Variants in TMTC2 observed in about 807,000 individuals in gnomAD.
TMTC2 encodes the protein protein O-mannosyl-transferase TMTC2.
Under a neutral mutation model 82.4 loss-of-function variants are expected in TMTC2, and 43 were observed. The ratio of observed to expected loss-of-function variants is 0.52; its 90% confidence interval spans 0.41 to 0.67. The LOEUF (loss-of-function observed/expected upper bound fraction) is 0.67, where lower values mean the gene tolerates loss of function less well. Ranked by LOEUF, TMTC2 falls within the 30% of genes least tolerant of loss-of-function variation. The pLI is 0.00. For synonymous variants in TMTC2, 408 were observed against 381.9 expected, an observed-to-expected ratio of 1.07 and a Z score of -0.80; for missense variants, 919 against 1,012.4, an observed-to-expected ratio of 0.91 and a Z score of 1.25.
At chr12:83,044,582 AG>A (rs1882021673) in intron 9 of TMTC2, among the ~76,000 whole-genome samples, 1 of 152,236 alleles carries the variant, frequency 6.6e-6, no homozygotes, top group Non-Finnish European at 1.5e-5. Context: ...GCTGTCATCC[AG>A]GGTGATGTGG....
chr12:83,003,764 C>T (rs1469039048), intron 8 of TMTC2, among the ~76,000 whole-genome samples: 1 of 151,980 alleles, frequency 6.6e-6, no homozygotes, highest in African/African-American at 2.4e-5. Flanking sequence ...TGGCTTGTAA[C>T]GTTACTGCTG....
At chr12:83,080,774 A>G (rs1047252179) in intron 11 of TMTC2, among the ~76,000 whole-genome samples, 4 of 152,202 alleles carry the variant, frequency 2.6e-5, no homozygotes, top group Admixed American at 6.5e-5. Context: ...GTATCTAATC[A>G]TTAATCATTA....
At chr12:82,877,101 A>G (rs570510208) in intron 2 of TMTC2, among the ~76,000 whole-genome samples, 46 of 152,320 alleles carry the variant, frequency 3.0e-4, no homozygotes, top group African/African-American at 1.1e-3. Flanking sequence ...AGTTGTAATG[A>G]AAGTGAATAC....
At chr12:82,781,607 G>T (rs1346730665) in intron 1 of TMTC2, among the ~76,000 whole-genome samples, 5 of 151,726 alleles carry the variant, frequency 3.3e-5, no homozygotes, top group Non-Finnish European at 7.4e-5. Flanking sequence ...CTCCAGGACA[G>T]AAGTGATTAC....
chr12:82,970,093 G>T (rs900986443), intron 7 of TMTC2, among the ~76,000 whole-genome samples: 1 of 152,108 alleles, frequency 6.6e-6, no homozygotes, highest in Non-Finnish European at 1.5e-5. Flanking sequence ...TTCACCATAA[G>T]GTAGTCCCTG....
chr12:82,807,687 C>T (rs969786831), intron 1 of TMTC2, among the ~76,000 whole-genome samples: 2 of 151,976 alleles, frequency 1.3e-5, no homozygotes, highest in Non-Finnish European at 1.5e-5. Flanking sequence ...TGTGTCCTTA[C>T]AGAAAGAGCT....
chr12:82,933,945 T>C (rs1876176706), intron 4 of TMTC2, among the ~76,000 whole-genome samples: 2 of 152,196 alleles, frequency 1.3e-5, no homozygotes, highest in Non-Finnish European at 2.9e-5. Context: ...TCAAATTATA[T>C]CCAAGAGGTA....
intron 8 of TMTC2, among the ~76,000 whole-genome samples, chr12:83,010,347 C>G (rs1264800862): frequency 6.6e-6 from 1 of 152,116 alleles, no homozygotes; most frequent in African/African-American, 2.4e-5. Flanking sequence ...CAGATTGTAT[C>G]AAGGAACTGA....
intron 9 of TMTC2, among the ~76,000 whole-genome samples, chr12:83,037,950 A>G (rs148711881): frequency 6.6e-6 from 1 of 152,218 alleles, no homozygotes; most frequent in East Asian, 1.9e-4. Flanking sequence ...CAAGGAAAAT[A>G]GAATATAAAG....
intron 11 of TMTC2, among the ~76,000 whole-genome samples, chr12:83,102,536 A>G (rs1057359970): frequency 6.6e-5 from 10 of 152,210 alleles, no homozygotes; most frequent in Admixed American, 2.6e-4. Context: ...CATGCATGTG[A>G]TAAGTGTTCT....
At chr12:82,959,861 A>G (rs1877824685) in intron 4 of TMTC2, among the ~76,000 whole-genome samples, 1 of 151,502 alleles carries the variant, frequency 6.6e-6, no homozygotes, top group Non-Finnish European at 1.5e-5. Flanking sequence ...AGCATAGCAA[A>G]AGAAACTATC....
intron 1 of TMTC2, among the ~76,000 whole-genome samples, chr12:82,712,891 GA>G (rs887896135): frequency 1.3e-5 from 2 of 152,148 alleles, no homozygotes; most frequent in African/African-American, 2.4e-5. Flanking sequence ...GACCAGGTGG[GA>G]ATCTTTCGCA....
At chr12:83,030,187 C>T (rs1042700113) in intron 8 of TMTC2, among the ~76,000 whole-genome samples, 1 of 152,104 alleles carries the variant, frequency 6.6e-6, no homozygotes, top group African/African-American at 2.4e-5. Context: ...TAGCCTTGGC[C>T]TTAATCAGTC....
intron 11 of TMTC2, among the ~76,000 whole-genome samples, chr12:83,081,241 T>C (rs957313926): frequency 6.6e-6 from 1 of 152,184 alleles, no homozygotes; most frequent in African/African-American, 2.4e-5. Flanking sequence ...TACCAAAGAG[T>C]AAAATTATTA....
At position 82,821,936 on chromosome 12, in the gene TMTC2, T is replaced by C. The variant is rs570848948; in HGVS notation, c.84-35074T>C. On this transcript the variant is annotated intron_variant, in intron 1 of 11. Coordinates refer to ENST00000321196, the MANE Select transcript of TMTC2 (RefSeq NM_152588.3). ...AGATGTGTCCTCTGCCTTGTATCTC[T>C]TGCAAGCTACTGTAAAAAGCACTCC... Among the ~76,000 whole-genome samples, 9 of 151,798 alleles carry C rather than the reference T, an allele frequency of 5.9e-5. No individual in the cohort carries two copies. The East Asian group carries it at 1.7e-3, about 29-fold the overall frequency.
intron 1 of TMTC2, among the ~76,000 whole-genome samples, chr12:82,813,157 G>A (rs1868492777): frequency 6.6e-6 from 1 of 151,978 alleles, no homozygotes; most frequent in South Asian, 2.1e-4. Context: ...ATGCCAATAT[G>A]TATAGTTTTA....
intron 8 of TMTC2, among the ~76,000 whole-genome samples, chr12:82,997,582 T>C (rs1312884311): frequency 6.7e-6 from 1 of 150,342 alleles, no homozygotes; most frequent in Non-Finnish European, 1.5e-5. Flanking sequence ...ATAGCAAGGA[T>C]TGCTTTTAAG....
intron 3 of TMTC2, among the ~76,000 whole-genome samples, chr12:82,929,526 A>G (rs1294800921): frequency 6.6e-6 from 1 of 152,138 alleles, no homozygotes; most frequent in Non-Finnish European, 1.5e-5. Flanking sequence ...CTTTTTTTGC[A>G]TTAAAATTGA....
At chr12:83,129,865 G>C (rs1885209896) in intron 11 of TMTC2, among the ~76,000 whole-genome samples, 1 of 152,178 alleles carries the variant, frequency 6.6e-6, no homozygotes, top group Non-Finnish European at 1.5e-5. Flanking sequence ...TTGTTCAAGT[G>C]CCCACATCTC....
Sources: gnomAD v4.1 joint callset for allele counts (sites outside exome capture counted in the v4.1 genomes callset) on GRCh38, gnomAD v4.1.1 for gene constraint, MANE v1.5 for transcripts, NCBI Gene and HGNC (gene_info 2026-07-23, HGNC 2026-07-21) for gene names.